The following ABCC11 variants were observed in gnomAD, a reference collection of about 807,000 sequenced individuals.
The protein encoded by ABCC11 is ATP binding cassette subfamily C member 11.
Under a neutral mutation model 149.3 loss-of-function variants are expected in ABCC11, and 135 were observed. The observed-to-expected ratio is 0.90, with a 90% CI of 0.79 to 1.04. ABCC11 has a LOEUF of 1.04. ABCC11 is among the 50% of genes least tolerant of loss of function. The pLI is 0.00. For synonymous variants in ABCC11, 665 were observed against 671.4 expected (o/e 0.99, Z 0.15); for missense variants, 1,680 against 1,722.1 (o/e 0.98, Z 0.43).
intron 2 of ABCC11, among the ~76,000 whole-genome samples, chr16:48,230,926 A>G (rs1324245490): frequency 6.6e-6 from 1 of 152,244 alleles, no homozygotes; most frequent in Non-Finnish European, 1.5e-5. Flanking sequence ...CCAACAAGTA[A>G]AAAAGCAAAT....
intron 3 of ABCC11, 60 bp downstream of exon 3, chr16:48,230,377 G>T (rs1256412412): frequency 1.3e-6 from 2 of 1,487,668 alleles, no homozygotes; most frequent in Non-Finnish European, 1.8e-6. Context: ...TAGTTGGGAG[G>T]GTTGGGGATC....
At chr16:48,183,945 C>G (rs931500630) in intron 23 of ABCC11, among the ~76,000 whole-genome samples, 1 of 152,130 alleles carries the variant, frequency 6.6e-6, no homozygotes, top group Admixed American at 6.5e-5. Context: ...TTTGAGAAGC[C>G]CTGTTCTAGG....
At chr16:48,177,426 G>A (rs1215290625) in intron 24 of ABCC11, among the ~76,000 whole-genome samples, 2 of 152,266 alleles carry the variant, frequency 1.3e-5, no homozygotes, top group Non-Finnish European at 2.9e-5. Context: ...AGGCAGCAGA[G>A]ACTCCCCCCT....
intron 1 of ABCC11, among the ~76,000 whole-genome samples, chr16:48,240,243 T>C (rs1044085915): frequency 3.9e-5 from 6 of 152,184 alleles, no homozygotes; most frequent in Non-Finnish European, 8.8e-5. Flanking sequence ...ACTGCAGCAC[T>C]AGTCACAATA....
chr16:48,243,084 AT>A lies in ABCC11; in HGVS notation c.-19+4229del, dbSNP rs1432798493. ...AAATTAAATTAAAAACAGAAAAAAA[AT>A]AAAAGTATCAAGGTTGTAAAAAAAA... On this transcript the variant is annotated intron_variant, in intron 1 of 29. Transcript: ENST00000356608. Among the ~76,000 whole-genome samples, 6 of 151,898 alleles carry A rather than the reference AT, an allele frequency of 4.0e-5. No individual in the cohort carries two copies. The East Asian group carries it at 7.7e-4, about 20-fold the overall frequency.
At position 48,214,839 on chromosome 16, in the gene ABCC11, C is replaced by T. The variant is rs779248726; in HGVS notation, c.1248+42G>A. 12 of 1,610,444 alleles carry T rather than the reference C, an allele frequency of 7.5e-6. No homozygotes were observed. The East Asian group carries it at 2.7e-4, about 36-fold the overall frequency. ...TAAAAAAGGACACGTGAGAAAATTC[C>T]CAATCATGATGGGGAGAAAACAAAG... On this transcript the variant is annotated intron_variant, in intron 9 of 29. Transcript: ENST00000356608.
chr16:48,175,821 T>A (rs1180642485), intron 25 of ABCC11, among the ~76,000 whole-genome samples: 1 of 150,274 alleles, frequency 6.7e-6, no homozygotes, highest in African/African-American at 2.5e-5. Context: ...ACAGCTCGGC[T>A]GGAGCTGAGC....
chr16:48,202,330 G>A (rs1968057737), intron 14 of ABCC11, among the ~76,000 whole-genome samples: 1 of 152,122 alleles, frequency 6.6e-6, no homozygotes, highest in African/African-American at 2.4e-5. Flanking sequence ...AGAAGAATAG[G>A]CCAAGCGCAG....
intron 23 of ABCC11, among the ~76,000 whole-genome samples, chr16:48,181,850 T>G (rs1293375683): frequency 1.3e-5 from 2 of 152,358 alleles, no homozygotes; most frequent in Non-Finnish European, 2.9e-5. Context: ...CCTGACCTCG[T>G]GATCCACCCA....
intron 6 of ABCC11, among the ~76,000 whole-genome samples, chr16:48,217,816 A>T (rs1969452791): frequency 6.6e-6 from 1 of 152,230 alleles, no homozygotes. Flanking sequence ...GCCACTCTGA[A>T]GGGCAATTTT....
Position 48,222,707 on chromosome 16 carries a change from C to A in ABCC11, c.668G>T (p.Ser223Ile). ...ECVKSLSFSS[S>I]WIINQRTAIR... ...GGCTGTGCGTTGGTTGATGATCCAA[C>A]TGGAGGAGAAACTCAGAGACTTCAC... The change falls in exon 6 of 30, where the codon AGT (serine) becomes ATT (isoleucine). Residue 223 changes from serine (S) to isoleucine (I), a missense_variant. By Grantham distance (142) the Ser-to-Ile change is moderately radical. Coordinates refer to ENST00000356608, the MANE Select transcript of ABCC11 (RefSeq NM_001370497.1). The A allele has an allele frequency of 6.2e-7, 1 of 1,614,230 alleles. No homozygotes were observed. Among genetic ancestry groups the A allele is most frequent in the East Asian group, 2.2e-5 (1 of 44,892 alleles).
At position 48,170,099 on chromosome 16, in the gene ABCC11, C is replaced by T. The variant is rs779801932; in HGVS notation, c.3891+6G>A. 56 of 1,611,966 alleles carry T rather than the reference C, an allele frequency of 3.5e-5. No individual in the cohort carries two copies. The highest frequency in any genetic ancestry group is 2.0e-4 in the Admixed American group (12 of 59,868). On this transcript the variant is annotated splice_donor_region_variant and intron_variant, in intron 28 of 29. Coordinates refer to ENST00000356608, the MANE Select transcript of ABCC11 (RefSeq NM_001370497.1). ...TCCCCTGGCCACACGGCAGTGGTGG[C>T]CTCACCTTGGAGTTGCGAAGCACAG...
intron 13 of ABCC11, 108 bp downstream of exon 13, chr16:48,205,305 A>G: frequency 6.8e-7 from 1 of 1,464,684 alleles, no homozygotes; most frequent in South Asian, 1.3e-5. Context: ...AATGCGTTTA[A>G]GTGGAGCACA....
intron 11 of ABCC11, 127 bp from the exon 12 acceptor site, chr16:48,208,623 A>G: frequency 1.0e-6 from 1 of 974,010 alleles, no homozygotes; most frequent in Non-Finnish European, 1.5e-6. Context: ...CACAGAGCCC[A>G]AGACTCCTCA....
At chr16:48,217,463 G>A (rs1408115555) in intron 6 of ABCC11, among the ~76,000 whole-genome samples, 1 of 152,108 alleles carries the variant, frequency 6.6e-6, no homozygotes, top group African/African-American at 2.4e-5. Flanking sequence ...AGGCACGGGG[G>A]CACATGCCTG....
At position 48,211,147 on chromosome 16, in the gene ABCC11, G is replaced by T. The variant is rs755897386; in HGVS notation, c.1409C>A (p.Pro470His). The T allele has an allele frequency of 5.6e-6, 9 of 1,614,152 alleles. 1 individual carries two copies. In the South Asian group the frequency reaches 9.9e-5, roughly 18 times the overall value. The change falls in exon 11 of 30, where the codon CCC (proline) becomes CAC (histidine). Residue 470 changes from proline (P) to histidine (H), a missense_variant. Coordinates refer to ENST00000356608, the MANE Select transcript of ABCC11 (RefSeq NM_001370497.1). ...CTCCTCAAAGACCAGAGCTTTGCTG[G>T]GGTCTTGTAATGTCTGGACATAGAA... ...PVFYVQTLQD[P>H]SKALVFEEAT...
intron 24 of ABCC11, among the ~76,000 whole-genome samples, chr16:48,178,110 T>C (rs997392770): frequency 1.3e-5 from 2 of 152,226 alleles, no homozygotes; most frequent in Non-Finnish European, 2.9e-5. Context: ...ATTTCAACTT[T>C]GTGATAATCT....
At chr16:48,205,763 T>C (rs557815802) in intron 12 of ABCC11, among the ~76,000 whole-genome samples, 1 of 151,768 alleles carries the variant, frequency 6.6e-6, no homozygotes, top group South Asian at 2.1e-4. Flanking sequence ...AGGTCCTGCT[T>C]GGACTGAATC....
chr16:48,168,299 T>C (rs1965468835), intron 28 of ABCC11, among the ~76,000 whole-genome samples: 1 of 151,266 alleles, frequency 6.6e-6, no homozygotes, highest in African/African-American at 2.4e-5. Context: ...GGCTATGTAA[T>C]TGAAATAAGG....
Sources: allele counts gnomAD v4.1 joint callset (sites outside exome capture counted in the v4.1 genomes callset), GRCh38; gene constraint gnomAD v4.1.1; transcripts MANE v1.5; gene names NCBI Gene and HGNC (gene_info 2026-07-23, HGNC 2026-07-21).